Variants in ITIH5 observed in about 807,000 individuals in gnomAD.
ITIH5 encodes inter-alpha-trypsin inhibitor heavy chain 5.
Under a neutral mutation model 77.5 loss-of-function variants are expected in ITIH5, and 65 were observed. The ratio of observed to expected loss-of-function variants is 0.84; its 90% CI spans 0.69 to 1.03. ITIH5 has a LOEUF of 1.03. Among genes scored for constraint, ITIH5 ranks in the 50% least tolerant of loss-of-function variants. The pLI, the probability that ITIH5 is intolerant of heterozygous loss-of-function variation, is 0.00. For synonymous variants in ITIH5, 525 were observed against 494.3 expected, an observed-to-expected ratio of 1.06 and a Z score of -0.82; for missense variants, 1,208 against 1,213.1, an observed-to-expected ratio of 1.00 and a Z score of 0.06.
chr10:7,573,378 C>T (rs1183862565), intron 10 of ITIH5, among the ~76,000 whole-genome samples, 183 bp from the exon 11 acceptor site: 1 of 151,750 alleles, frequency 6.6e-6, no homozygotes, highest in East Asian at 1.9e-4. Flanking sequence ...TCAAAACACA[C>T]AAGCAGAGCC....
intron 7 of ITIH5, among the ~76,000 whole-genome samples, chr10:7,595,311 C>T (rs1278814104): frequency 1.3e-5 from 2 of 150,598 alleles, no homozygotes; most frequent in African/African-American, 4.9e-5. Context: ...GAAAATCGCG[C>T]CCAGATAGAT....
chr10:7,607,466 T>A (rs1187273375), intron 7 of ITIH5, among the ~76,000 whole-genome samples: 1 of 152,154 alleles, frequency 6.6e-6, no homozygotes, highest in South Asian at 2.1e-4. Flanking sequence ...GGTAACATAG[T>A]GAGACCCTGT....
In ITIH5 at chr10:7,633,377, C is replaced by T. The variant is rs191040769; in HGVS notation, c.652+3851G>A. 1.1e-3 allele frequency among the ~76,000 whole-genome samples: 163 copies of T among 144,078 alleles called. 1 individual carries two copies. Among genetic ancestry groups the T allele is most frequent in the African/African-American group, 4.2e-3 (148 of 35,432 alleles). The allele number at this position is 144,078 out of a possible 152,430, so 94.5% of individuals were successfully genotyped here. ...ACAATTCAACAGATGTGGGTTCAAT[C>T]CTGATATATCATAAAGTAAACTGAG... On this transcript the variant is annotated intron_variant, in intron 5 of 13. Transcript: ENST00000397146.
intron 2 of ITIH5, among the ~76,000 whole-genome samples, chr10:7,653,308 G>A (rs899039507): frequency 1.3e-5 from 2 of 152,128 alleles, no homozygotes; most frequent in African/African-American, 4.8e-5. Flanking sequence ...CTGGGTTCAA[G>A]CAATCCTCCC....
intron 4 of ITIH5, among the ~76,000 whole-genome samples, chr10:7,638,224 C>T (rs1833832018): frequency 6.6e-6 from 1 of 152,124 alleles, no homozygotes; most frequent in Admixed American, 6.5e-5. Flanking sequence ...CAGGACACCA[C>T]AAGATGGAAG....
intron 2 of ITIH5, among the ~76,000 whole-genome samples, chr10:7,647,818 A>G (rs958435436): frequency 4.6e-5 from 7 of 152,196 alleles, no homozygotes; most frequent in African/African-American, 1.7e-4. Flanking sequence ...GAGCTTCTTA[A>G]ATATAAACTC....
intron 7 of ITIH5, among the ~76,000 whole-genome samples, chr10:7,590,584 G>A (rs992544124): frequency 2.6e-5 from 4 of 152,104 alleles, no homozygotes; most frequent in Non-Finnish European, 4.4e-5. Flanking sequence ...TATCATATAC[G>A]GTTTTCATGT....
chr10:7,581,006 T>C (rs1207160005), intron 8 of ITIH5, among the ~76,000 whole-genome samples: 2 of 152,154 alleles, frequency 1.3e-5, no homozygotes, highest in Non-Finnish European at 2.9e-5. Context: ...ATGCCTGTAA[T>C]CCCAGCACTC....
intron 5 of ITIH5, 70 bp downstream of exon 5, chr10:7,637,158 T>C (rs1360058585): frequency 1.3e-6 from 2 of 1,537,776 alleles, no homozygotes; most frequent in Admixed American, 3.7e-5. Context: ...TCTTGCAGAT[T>C]TCTCCGAAGC....
At chr10:7,603,686 C>G (rs536138717) in intron 7 of ITIH5, among the ~76,000 whole-genome samples, 1 of 152,290 alleles carries the variant, frequency 6.6e-6, no homozygotes, top group East Asian at 1.9e-4. Flanking sequence ...CGGGTTCACA[C>G]CATTCTCCTG....
chr10:7,646,676 A>G (rs1212550357), intron 2 of ITIH5, among the ~76,000 whole-genome samples: 1 of 152,212 alleles, frequency 6.6e-6, no homozygotes, highest in Non-Finnish European at 1.5e-5. Context: ...GAGGCAGCCA[A>G]GGCTGGCATC....
intron 2 of ITIH5, among the ~76,000 whole-genome samples, chr10:7,654,066 A>G (rs1428425422): frequency 1.3e-5 from 2 of 152,140 alleles, no homozygotes; most frequent in Non-Finnish European, 2.9e-5. Flanking sequence ...CTGAGGCAGG[A>G]GGATCTCTTC....
At chr10:7,666,403 C>G (rs184400513) in intron 1 of ITIH5, among the ~76,000 whole-genome samples, 1 of 152,086 alleles carries the variant, frequency 6.6e-6, no homozygotes, top group African/African-American at 2.4e-5. Flanking sequence ...GAACTCCTCT[C>G]ATATTGCCTT....
Position 7,561,657 on chromosome 10 carries a change from T to C in ITIH5, c.*1426A>G, listed in dbSNP as rs1832042308. ...GCTGCGTCCGACAGGAACACGTGGA[T>C]GTCATTTTACTGCCTGAATGTTTCC... On this transcript the variant is annotated 3_prime_UTR_variant, in exon 14 of 14. Transcript: ENST00000397146. The C allele has an allele frequency of 6.6e-6, 1 of 152,232 alleles. No individual in the cohort carries two copies. The highest frequency in any genetic ancestry group is 1.5e-5 in the Non-Finnish European group (1 of 68,054). The allele number at this position is 152,232 out of a possible 1,614,324, so 9.4% of individuals were successfully genotyped here. A position where few individuals can be genotyped will look rare whatever the true frequency, so the allele number is the denominator to read the frequency against.
intron 7 of ITIH5, among the ~76,000 whole-genome samples, chr10:7,601,086 CTTAA>C (rs1304245760): frequency 6.6e-6 from 1 of 152,100 alleles, no homozygotes; most frequent in Non-Finnish European, 1.5e-5. Flanking sequence ...GGAAAGAGCT[CTTAA>C]TTGTTATTAA....
intron 5 of ITIH5, among the ~76,000 whole-genome samples, chr10:7,625,820 G>GT (rs1213235798): frequency 6.6e-5 from 10 of 151,940 alleles, no homozygotes; most frequent in Non-Finnish European, 1.5e-4. Flanking sequence ...GGCTAAGATG[G>GT]TAAATTTTAC....
intron 7 of ITIH5, among the ~76,000 whole-genome samples, chr10:7,610,069 C>CTTTTTTTTTTTTTTTT (rs5782989): frequency 3.5e-5 from 3 of 86,730 alleles, no homozygotes; most frequent in African/African-American, 3.9e-5. Context: ...TTTCTTTTTT[C>CTTTTTTTTTTTTTTTT]TTTTTTTTTT....
At chr10:7,658,008 G>A (rs1020766473) in intron 1 of ITIH5, among the ~76,000 whole-genome samples, 10 of 152,236 alleles carry the variant, frequency 6.6e-5, no homozygotes, top group East Asian at 3.9e-4. Context: ...GGGGATTGCC[G>A]GATACCACAG....
intron 1 of ITIH5, among the ~76,000 whole-genome samples, chr10:7,660,881 G>T (rs550568291): frequency 6.6e-6 from 1 of 152,352 alleles, no homozygotes; most frequent in African/African-American, 2.4e-5. Flanking sequence ...CTATAACATT[G>T]TATCCGTGAC....
Sources: allele counts gnomAD v4.1 joint callset (sites outside exome capture counted in the v4.1 genomes callset), GRCh38; gene constraint gnomAD v4.1.1; transcripts MANE v1.5; gene names NCBI Gene and HGNC (gene_info 2026-07-23, HGNC 2026-07-21).